Variants in ASIC2 observed in about 807,000 individuals in gnomAD.
The protein encoded by ASIC2 is acid sensing ion channel subunit 2.
A neutral mutation model predicts 57.3 loss-of-function variants in ASIC2; 25 were observed. The ratio of observed to expected loss-of-function variants is 0.44; its 90% CI spans 0.32 to 0.61. ASIC2 has a LOEUF of 0.61. ASIC2 is among the 20% of genes least tolerant of loss of function. The probability of loss-of-function intolerance (pLI) is 0.06; values close to 1 mark genes in which losing one functional copy is unlikely to be tolerated. For synonymous variants in ASIC2, 319 were observed against 307.5 expected (o/e 1.04, Z -0.39); for missense variants, 641 against 738.1 (o/e 0.87, Z 1.52).
chr17:33,064,161 G>A (rs1042251732), intron 3 of ASIC2, among the ~76,000 whole-genome samples: 7 of 152,198 alleles, frequency 4.6e-5, no homozygotes, highest in African/African-American at 1.4e-4. Context: ...CTCTCAGCTC[G>A]TCAAAGTCAT....
intron 1 of ASIC2, among the ~76,000 whole-genome samples, chr17:33,196,318 G>A (rs750066946): frequency 9.8e-5 from 10 of 102,156 alleles, no homozygotes; most frequent in African/African-American, 7.5e-4. Flanking sequence ...TGATGATGAC[G>A]ATGATGATGA....
intron 1 of ASIC2, among the ~76,000 whole-genome samples, chr17:33,411,540 G>A (rs1015051314): frequency 1.3e-5 from 2 of 152,172 alleles, no homozygotes; most frequent in Admixed American, 6.5e-5. Context: ...GGCAAGGAAG[G>A]GAAAGGAAGG....
At chr17:33,924,909 C>T (rs948580669) in intron 1 of ASIC2, among the ~76,000 whole-genome samples, 3 of 152,204 alleles carry the variant, frequency 2.0e-5, no homozygotes, top group Non-Finnish European at 4.4e-5. Flanking sequence ...AGACACATGC[C>T]ATGACAGTCA....
At chr17:33,026,795 G>C (rs16565) in intron 4 of ASIC2, among the ~76,000 whole-genome samples, 55,081 of 151,814 alleles carry the variant, frequency 0.36, 10,649 homozygotes, top group Admixed American at 0.53. Flanking sequence ...CCTTTACCAA[G>C]CTCTAAAGTT....
intron 1 of ASIC2, among the ~76,000 whole-genome samples, chr17:33,510,852 A>G (rs2141948790): frequency 6.6e-6 from 1 of 152,162 alleles, no homozygotes; most frequent in South Asian, 2.1e-4. Flanking sequence ...GTGAACCCAC[A>G]TTCTCTGCCC....
intron 1 of ASIC2, among the ~76,000 whole-genome samples, chr17:33,833,087 C>T (rs1597894942): frequency 6.6e-6 from 1 of 152,096 alleles, no homozygotes; most frequent in South Asian, 2.1e-4. Flanking sequence ...TAAGTAGACA[C>T]ACATGCATAA....
intron 1 of ASIC2, among the ~76,000 whole-genome samples, chr17:33,716,716 G>C (rs887023496): frequency 6.6e-6 from 1 of 152,154 alleles, no homozygotes; most frequent in Non-Finnish European, 1.5e-5. Context: ...CATGCCATCT[G>C]TCTGTCATGA....
At chr17:33,741,194 T>A (rs1177948039) in intron 1 of ASIC2, among the ~76,000 whole-genome samples, 1 of 152,200 alleles carries the variant, frequency 6.6e-6, no homozygotes, top group Non-Finnish European at 1.5e-5. Flanking sequence ...TTCACTATGT[T>A]TTCTGGTACC....
intron 1 of ASIC2, among the ~76,000 whole-genome samples, chr17:33,750,601 C>T (rs985805650): frequency 6.6e-6 from 1 of 152,114 alleles, no homozygotes; most frequent in East Asian, 1.9e-4. Flanking sequence ...TTAATAACTC[C>T]GAACAGTGCC....
At chr17:34,153,266 A>C (rs768344050) in intron 1 of ASIC2, among the ~76,000 whole-genome samples, 11 of 152,180 alleles carry the variant, frequency 7.2e-5, no homozygotes, top group Non-Finnish European at 1.5e-4. Flanking sequence ...CCCCATACTT[A>C]ACTTCTCTAA....
At chr17:33,881,938 C>G (rs965638663) in intron 1 of ASIC2, among the ~76,000 whole-genome samples, 8 of 152,034 alleles carry the variant, frequency 5.3e-5, no homozygotes, top group African/African-American at 1.9e-4. Context: ...CAGAACAGAG[C>G]CCTCAGAAAT....
chr17:34,146,211 T>C (rs1912413160), intron 1 of ASIC2, among the ~76,000 whole-genome samples: 1 of 152,230 alleles, frequency 6.6e-6, no homozygotes, highest in Non-Finnish European at 1.5e-5. Flanking sequence ...CCCTTGGGAA[T>C]TGTTATCGCC....
intron 1 of ASIC2, among the ~76,000 whole-genome samples, chr17:34,124,352 C>G (rs767105715): frequency 5.9e-5 from 9 of 152,228 alleles, no homozygotes; most frequent in Non-Finnish European, 1.0e-4. Flanking sequence ...TACACAATAG[C>G]ATTTTAAAAA....
intron 1 of ASIC2, among the ~76,000 whole-genome samples, chr17:33,640,665 A>C (rs1268803892): frequency 6.6e-6 from 1 of 152,228 alleles, no homozygotes; most frequent in Non-Finnish European, 1.5e-5. Context: ...AGTAGCGTTC[A>C]GGGTTTACAG....
At chr17:33,617,711 C>T (rs1905651543) in intron 1 of ASIC2, among the ~76,000 whole-genome samples, 1 of 152,158 alleles carries the variant, frequency 6.6e-6, no homozygotes, top group African/African-American at 2.4e-5. Context: ...ATAAATGGTA[C>T]TTGCATAATT....
chr17:33,943,459 G>C (rs926807412), intron 1 of ASIC2, among the ~76,000 whole-genome samples: 10 of 152,150 alleles, frequency 6.6e-5, no homozygotes, highest in African/African-American at 2.4e-4. Flanking sequence ...TGCTTCCACA[G>C]CCCTCCCTCC....
At chr17:33,662,157 T>A (rs1907288635) in intron 1 of ASIC2, among the ~76,000 whole-genome samples, 1 of 152,162 alleles carries the variant, frequency 6.6e-6, no homozygotes, top group African/African-American at 2.4e-5. Context: ...GTGAGAAAAT[T>A]GAGGCTCAGA....
At chr17:33,995,134 C>A (rs953631279) in intron 1 of ASIC2, among the ~76,000 whole-genome samples, 1 of 152,126 alleles carries the variant, frequency 6.6e-6, no homozygotes, top group Non-Finnish European at 1.5e-5. Flanking sequence ...CTGTGTCATC[C>A]CTGTAGACAG....
chr17:33,827,337 CTT>C (rs375695905), intron 1 of ASIC2, among the ~76,000 whole-genome samples: 1 of 76,528 alleles, frequency 1.3e-5, no homozygotes, highest in Non-Finnish European at 2.6e-5. Context: ...GCAGCTCACT[CTT>C]TTTTTTTTTT....
Sources: allele counts gnomAD v4.1 joint callset (sites outside exome capture counted in the v4.1 genomes callset), GRCh38; gene constraint gnomAD v4.1.1; transcripts MANE v1.5; gene names NCBI Gene and HGNC (gene_info 2026-07-23, HGNC 2026-07-21).